The following ERBB4 variants were observed in gnomAD, a reference collection of about 807,000 sequenced individuals.
The protein encoded by ERBB4 is erb-b2 receptor tyrosine kinase 4, also known as receptor tyrosine-protein kinase erbB-4.
In ERBB4, 42 loss-of-function variants were observed where a neutral mutation model predicts 158.0. That is an observed-to-expected ratio of 0.27 (90% CI 0.21 to 0.34). The LOEUF is 0.34. Among genes scored for constraint, ERBB4 ranks in the 10% least tolerant of loss-of-function variants. ERBB4 has a pLI of 1.00. For synonymous variants in ERBB4, 583 were observed against 558.7 expected (o/e 1.04, Z -0.61); for missense variants, 1,333 against 1,624.1 (o/e 0.82, Z 3.08).
intron 2 of ERBB4, among the ~76,000 whole-genome samples, chr2:212,046,416 A>G (rs1213129787): frequency 2.6e-5 from 4 of 152,184 alleles, no homozygotes; most frequent in Non-Finnish European, 5.9e-5. Flanking sequence ...TAAATCTGGT[A>G]AGGGAGTATT....
At chr2:212,358,182 T>C (rs1656852276) in intron 1 of ERBB4, among the ~76,000 whole-genome samples, 2 of 152,020 alleles carry the variant, frequency 1.3e-5, no homozygotes, top group African/African-American at 4.8e-5. Flanking sequence ...ACTATTTAAA[T>C]CTTTCCTGAA....
chr2:212,040,284 A>G (rs1210697035), intron 2 of ERBB4, among the ~76,000 whole-genome samples: 1 of 151,906 alleles, frequency 6.6e-6, no homozygotes, highest in East Asian at 1.9e-4. Context: ...AGTAACACAC[A>G]CTATTATTTG....
chr2:211,977,858 CAAA>C (rs34095237), intron 2 of ERBB4, among the ~76,000 whole-genome samples: 1 of 110,046 alleles, frequency 9.1e-6, no homozygotes, highest in Non-Finnish European at 1.7e-5. Flanking sequence ...AACTCCGTCT[CAAA>C]AAAAAAAAAA....
In ERBB4 at chr2:212,483,613, C is replaced by G. The variant is rs531204906; in HGVS notation, c.82+54836G>C. Among the ~76,000 whole-genome samples the G allele has an allele frequency of 9.8e-5, 15 of 152,346 alleles. No individual in the cohort carries two copies. The East Asian group carries it at 2.5e-3, about 25-fold the overall frequency. On this transcript the variant is annotated intron_variant, in intron 1 of 27. Transcript: ENST00000342788. ...TCAGAAACTAAATGTTTTCTCTTCT[C>G]TTTGTCTAAAGAGAATATCTTGATT...
chr2:212,422,668 G>A (rs1256027629), intron 1 of ERBB4, among the ~76,000 whole-genome samples: 4 of 152,190 alleles, frequency 2.6e-5, no homozygotes, highest in East Asian at 1.9e-4. Flanking sequence ...CTGTGAGAGC[G>A]AAGCTCTTAT....
chr2:211,424,958 G>T (rs937475410), intron 22 of ERBB4, among the ~76,000 whole-genome samples: 1 of 152,096 alleles, frequency 6.6e-6, no homozygotes, highest in Admixed American at 6.6e-5. Context: ...TAATAAAATG[G>T]CTTTCTTGAA....
intron 20 of ERBB4, among the ~76,000 whole-genome samples, chr2:211,536,469 A>G (rs1289822069): frequency 6.6e-6 from 1 of 152,052 alleles, no homozygotes; most frequent in African/African-American, 2.4e-5. Flanking sequence ...CATTACAAAC[A>G]TGACTTGAAA....
intron 4 of ERBB4, among the ~76,000 whole-genome samples, chr2:211,775,056 G>A (rs1430310338): frequency 6.6e-6 from 1 of 152,172 alleles, no homozygotes; most frequent in African/African-American, 2.4e-5. Context: ...TAGGAAGGTT[G>A]TTTCCTAAGG....
chr2:211,710,470 T>A (rs2073655380), intron 9 of ERBB4, among the ~76,000 whole-genome samples: 1 of 152,156 alleles, frequency 6.6e-6, no homozygotes, highest in Non-Finnish European at 1.5e-5. Context: ...CCAGGTCTCC[T>A]ATGCAATGGG....
intron 1 of ERBB4, among the ~76,000 whole-genome samples, chr2:212,398,917 T>G (rs1257628110): frequency 2.0e-5 from 2 of 99,152 alleles, no homozygotes; most frequent in East Asian, 4.1e-4. Flanking sequence ...AAGATATGTC[T>G]GAAAATATAT....
At chr2:211,442,984 C>G (rs2064022603) in intron 20 of ERBB4, among the ~76,000 whole-genome samples, 1 of 151,898 alleles carries the variant, frequency 6.6e-6, no homozygotes, top group Non-Finnish European at 1.5e-5. Context: ...CAGTTTGACC[C>G]TCCTCACATT....
At chr2:211,775,172 G>A (rs1042922059) in intron 4 of ERBB4, among the ~76,000 whole-genome samples, 19 of 152,154 alleles carry the variant, frequency 1.2e-4, no homozygotes, top group African/African-American at 4.6e-4. Context: ...TGGACAATGA[G>A]CTATCACCAG....
At chr2:212,440,934 T>C (rs1365428205) in intron 1 of ERBB4, among the ~76,000 whole-genome samples, 3 of 152,134 alleles carry the variant, frequency 2.0e-5, no homozygotes, top group Non-Finnish European at 4.4e-5. Flanking sequence ...TAGAAGCAGA[T>C]ACTGAGCCTC....
At chr2:212,211,972 T>C (rs1170351477) in intron 1 of ERBB4, among the ~76,000 whole-genome samples, 3 of 152,148 alleles carry the variant, frequency 2.0e-5, no homozygotes, top group Non-Finnish European at 4.4e-5. Flanking sequence ...GTGATGGGCA[T>C]TTGGGTTGGT....
intron 17 of ERBB4, among the ~76,000 whole-genome samples, chr2:211,627,449 T>C (rs959396539): frequency 1.3e-5 from 2 of 152,252 alleles, no homozygotes; most frequent in African/African-American, 2.4e-5. Flanking sequence ...AGACAGCTCA[T>C]TCCAATTGCA....
chr2:212,226,133 C>T (rs777305370), intron 1 of ERBB4, among the ~76,000 whole-genome samples: 13 of 152,100 alleles, frequency 8.5e-5, no homozygotes, highest in Non-Finnish European at 1.9e-4. Context: ...CAACTGTCTA[C>T]GGAGGAAGCT....
chr2:212,420,859 A>G (rs1331436338), intron 1 of ERBB4, among the ~76,000 whole-genome samples: 1 of 152,158 alleles, frequency 6.6e-6, no homozygotes, highest in African/African-American at 2.4e-5. Flanking sequence ...CTCAGCACAC[A>G]TCACAGTGCT....
At chr2:211,508,449 T>C (rs924148933) in intron 20 of ERBB4, among the ~76,000 whole-genome samples, 1 of 152,110 alleles carries the variant, frequency 6.6e-6, no homozygotes, top group African/African-American at 2.4e-5. Context: ...CCAGTTAGAA[T>C]GGTGATTATT....
At chr2:211,640,309 G>A (rs371349832) in intron 16 of ERBB4, among the ~76,000 whole-genome samples, 4 of 152,082 alleles carry the variant, frequency 2.6e-5, no homozygotes, top group South Asian at 2.1e-4. Flanking sequence ...AGTGTTCATC[G>A]GGGAGTTGGT....
Sources: gnomAD v4.1 joint callset for allele counts (sites outside exome capture counted in the v4.1 genomes callset) on GRCh38, gnomAD v4.1.1 for gene constraint, MANE v1.5 for transcripts, NCBI Gene and HGNC (gene_info 2026-07-23, HGNC 2026-07-21) for gene names.